ADK: variants seen among roughly 807,000 people sequenced by gnomAD.
ADK encodes the protein adenosine kinase.
In ADK, 24 loss-of-function variants were observed where a neutral mutation model predicts 44.7. The ratio of observed to expected loss-of-function variants is 0.54; its 90% confidence interval spans 0.39 to 0.76. The LOEUF (loss-of-function observed/expected upper bound fraction) is 0.76, where lower values mean the gene tolerates loss of function less well. Among genes scored for constraint, ADK ranks in the 30% least tolerant of loss-of-function variants. ADK has a pLI of 0.00. For synonymous variants in ADK, 128 were observed against 142.6 expected, an observed-to-expected ratio of 0.90 and a Z score of 0.73; for missense variants, 321 against 425.1, an observed-to-expected ratio of 0.76 and a Z score of 2.15.
At chr10:74,293,984 A>C (rs1015909633) in intron 3 of ADK, among the ~76,000 whole-genome samples, 3 of 152,156 alleles carry the variant, frequency 2.0e-5, no homozygotes, top group Non-Finnish European at 4.4e-5. Context: ...CTAACATTGG[A>C]GATTACCTTT....
At chr10:74,428,520 A>G (rs952110078) in intron 6 of ADK, among the ~76,000 whole-genome samples, 2 of 152,238 alleles carry the variant, frequency 1.3e-5, no homozygotes, top group Non-Finnish European at 2.9e-5. Context: ...AGAACTTTAT[A>G]AGACCATTCC....
intron 6 of ADK, among the ~76,000 whole-genome samples, chr10:74,458,217 A>C (rs1846030466): frequency 7.5e-6 from 1 of 132,640 alleles, no homozygotes; most frequent in Non-Finnish European, 1.5e-5. Context: ...CTGTGGCCTC[A>C]GCCTCACAGG....
At chr10:74,257,100 C>T (rs935982484) in intron 3 of ADK, among the ~76,000 whole-genome samples, 8 of 152,094 alleles carry the variant, frequency 5.3e-5, no homozygotes, top group Non-Finnish European at 8.8e-5. Context: ...AAATTGAAGA[C>T]AACTGCAATT....
rs550268682 is a variant in ADK at position 74,420,686 on chromosome 10, G to A, written c.555+22107G>A. ...CTTGCATGTTGTGGAATAATACCACGAAAAAGTTAATTAAAGAATTTAGAT... is the reference window on the plus strand; with the variant it reads ...CTTGCATGTTGTGGAATAATACCACAAAAAAGTTAATTAAAGAATTTAGAT... On this transcript the variant is annotated intron_variant, in intron 6 of 10. Transcript: ENST00000539909. 1.2e-4 allele frequency among the ~76,000 whole-genome samples: 18 copies of A among 152,100 alleles called. 1 individual carries two copies. In the South Asian group the frequency reaches 3.3e-3, roughly 28 times the overall value.
intron 9 of ADK, among the ~76,000 whole-genome samples, chr10:74,624,265 C>A (rs1853103953): frequency 6.7e-6 from 1 of 150,074 alleles, no homozygotes; most frequent in Non-Finnish European, 1.5e-5. Context: ...TAGAAGCCAT[C>A]ATTTCTAAGG....
At chr10:74,549,485 A>C (rs1390650367) in intron 7 of ADK, among the ~76,000 whole-genome samples, 1 of 152,188 alleles carries the variant, frequency 6.6e-6, no homozygotes, top group African/African-American at 2.4e-5. Flanking sequence ...CCCAGGCTGG[A>C]GTACAGTGGC....
chr10:74,174,609 A>C (rs1842266624), intron 1 of ADK: 1 of 152,272 alleles, frequency 6.6e-6, no homozygotes, highest in Non-Finnish European at 1.5e-5. Context: ...AACATTTTCC[A>C]CAAGAGAAGG....
At chr10:74,160,348 A>T (rs1361818467) in intron 1 of ADK, among the ~76,000 whole-genome samples, 1 of 152,224 alleles carries the variant, frequency 6.6e-6, no homozygotes, top group African/African-American at 2.4e-5. Context: ...ATATAATTAA[A>T]ATTGGGTATA....
chr10:74,461,675 G>A (rs890931272), intron 6 of ADK, among the ~76,000 whole-genome samples: 1 of 152,016 alleles, frequency 6.6e-6, no homozygotes, highest in Non-Finnish European at 1.5e-5. Context: ...TACTTCCTAA[G>A]CTAGATTTAT....
At chr10:74,188,231 G>C (rs1048484443) in intron 1 of ADK, among the ~76,000 whole-genome samples, 1 of 151,350 alleles carries the variant, frequency 6.6e-6, no homozygotes, top group African/African-American at 2.4e-5. Context: ...CATTCTTGAT[G>C]TTGGTACTTC....
At chr10:74,420,941 G>C (rs1460275266) in intron 6 of ADK, among the ~76,000 whole-genome samples, 2 of 152,122 alleles carry the variant, frequency 1.3e-5, no homozygotes, top group East Asian at 3.9e-4. Flanking sequence ...TTAGGGCGAT[G>C]TACTGTTCTG....
chr10:74,364,510 T>C (rs1420395653), intron 4 of ADK, among the ~76,000 whole-genome samples: 1 of 152,206 alleles, frequency 6.6e-6, no homozygotes, highest in African/African-American at 2.4e-5. Context: ...TTATCAGTGT[T>C]GACCTTACCA....
chr10:74,247,543 G>A (rs1845471328), intron 3 of ADK, among the ~76,000 whole-genome samples: 1 of 151,948 alleles, frequency 6.6e-6, no homozygotes, highest in African/African-American at 2.4e-5. Flanking sequence ...TATTTTATTA[G>A]CAGTTTTGCT....
At chr10:74,158,038 A>G (rs1841801202) in intron 1 of ADK, among the ~76,000 whole-genome samples, 1 of 152,234 alleles carries the variant, frequency 6.6e-6, no homozygotes, top group African/African-American at 2.4e-5. Flanking sequence ...CATTATATGT[A>G]TCTAGTAAGA....
chr10:74,494,688 A>G (rs540317860), intron 6 of ADK, among the ~76,000 whole-genome samples: 108 of 151,980 alleles, frequency 7.1e-4, no homozygotes, highest in Middle Eastern at 3.4e-3. Flanking sequence ...TTTGAGATAT[A>G]GTCTCACTCT....
At chr10:74,634,211 A>T (rs572421053) in intron 9 of ADK, among the ~76,000 whole-genome samples, 5 of 147,668 alleles carry the variant, frequency 3.4e-5, no homozygotes, top group East Asian at 2.0e-4. Flanking sequence ...ATTTTTATTT[A>T]TTTTTTTTTT....
chr10:74,244,645 T>C (rs1845346020), intron 3 of ADK, among the ~76,000 whole-genome samples: 1 of 152,228 alleles, frequency 6.6e-6, no homozygotes, highest in Non-Finnish European at 1.5e-5. Flanking sequence ...TTCTTTATAT[T>C]GTTAAGTAAA....
At chr10:74,688,843 G>A (rs906105695) in intron 10 of ADK, among the ~76,000 whole-genome samples, 4 of 152,178 alleles carry the variant, frequency 2.6e-5, no homozygotes, top group African/African-American at 9.7e-5. Context: ...TTGAGCCCAG[G>A]AGGTCAAGGA....
chr10:74,565,393 G>A lies in ADK; in HGVS notation c.727-23889G>A, dbSNP rs114170533. Among the ~76,000 whole-genome samples the A allele has an allele frequency of 7.0e-3, 1,061 of 152,250 alleles. 10 individuals carry two copies. The highest frequency in any genetic ancestry group is 0.024 in the African/African-American group (1,008 of 41,534). ...CAAGATTGCTGCCTATGATACTTAT[G>A]ATTTTTAAACAAGTTGTCATATCAA... On this transcript the variant is annotated intron_variant, in intron 7 of 10. Transcript: ENST00000539909.
Sources: allele counts gnomAD v4.1 joint callset (sites outside exome capture counted in the v4.1 genomes callset), GRCh38; gene constraint gnomAD v4.1.1; transcripts MANE v1.5; gene names NCBI Gene and HGNC (gene_info 2026-07-23, HGNC 2026-07-21).